The following GRAMD1C variants were observed in gnomAD, a reference collection of about 807,000 sequenced individuals.
The protein encoded by GRAMD1C is GRAM domain containing 1C.
A neutral mutation model predicts 97.8 loss-of-function variants in GRAMD1C; 89 were observed. That is an observed-to-expected ratio of 0.91 (90% CI 0.77 to 1.09). The LOEUF (loss-of-function observed/expected upper bound fraction) is 1.09. Among genes scored for constraint, GRAMD1C ranks in the 50% least tolerant of loss-of-function variants. The pLI is 0.00. For missense variants in GRAMD1C, 740 were observed against 766.4 expected, an observed-to-expected ratio of 0.97 and a Z score of 0.41; for synonymous variants, 256 against 267.0, an observed-to-expected ratio of 0.96 and a Z score of 0.40.
intron 1 of GRAMD1C, among the ~76,000 whole-genome samples, chr3:113,832,085 A>C (rs1709566541): frequency 1.3e-5 from 2 of 150,988 alleles, no homozygotes; most frequent in Admixed American, 1.3e-4. Flanking sequence ...GCTGGAGTGC[A>C]GTGTGCAGTG....
At position 113,920,489 on chromosome 3, in the gene GRAMD1C, A is replaced by G. The variant is rs529961525; in HGVS notation, c.1090+4651A>G. 3.9e-5 allele frequency among the ~76,000 whole-genome samples: 6 copies of G among 152,316 alleles called. No homozygotes were observed. In the East Asian group the frequency reaches 1.2e-3, roughly 29 times the overall value. On this transcript the variant is annotated intron_variant, in intron 10 of 17. Coordinates refer to ENST00000358160, the MANE Select transcript of GRAMD1C (RefSeq NM_017577.5). ...AAGCACTCAGATGTGCATCAGCATA[A>G]ACATTAAAAATTTTCGGGTGAGAAA... is the stretch of plus-strand genomic sequence containing the variant.
intron 2 of GRAMD1C, among the ~76,000 whole-genome samples, chr3:113,860,773 C>T (rs996265459): frequency 2.0e-5 from 3 of 151,958 alleles, no homozygotes; most frequent in Non-Finnish European, 4.4e-5. Context: ...CAAGACCAAC[C>T]TGGCTAACAT....
At chr3:113,869,921 A>T (rs1020906215) in intron 3 of GRAMD1C, among the ~76,000 whole-genome samples, 1 of 152,194 alleles carries the variant, frequency 6.6e-6, no homozygotes, top group African/African-American at 2.4e-5. Flanking sequence ...ATTGAGCCAT[A>T]AAAAAGAATG....
At chr3:113,932,999 A>G (rs894900239) in intron 11 of GRAMD1C, among the ~76,000 whole-genome samples, 2 of 150,854 alleles carry the variant, frequency 1.3e-5, no homozygotes, top group East Asian at 3.9e-4. Context: ...CTCCTGCCTC[A>G]GCCTCCCACC....
chr3:113,925,458 C>A (rs750180859), intron 10 of GRAMD1C, among the ~76,000 whole-genome samples: 1 of 144,326 alleles, frequency 6.9e-6, no homozygotes, highest in Non-Finnish European at 1.5e-5. Flanking sequence ...GGTGACAGAG[C>A]AAGACTGTGT....
At chr3:113,830,102 C>T (rs1016668566) in intron 1 of GRAMD1C, among the ~76,000 whole-genome samples, 3 of 151,994 alleles carry the variant, frequency 2.0e-5, no homozygotes, top group Non-Finnish European at 2.9e-5. Flanking sequence ...AAAGATTGGT[C>T]GGACCAGGTG....
intron 1 of GRAMD1C, among the ~76,000 whole-genome samples, chr3:113,833,469 C>A (rs1709589169): frequency 1.3e-5 from 2 of 152,016 alleles, no homozygotes; most frequent in South Asian, 4.1e-4. Flanking sequence ...TACCTGCCCC[C>A]TCTACCAACA....
chr3:113,854,321 A>C lies in GRAMD1C; in HGVS notation c.174+9672A>C, dbSNP rs1290335980. On this transcript the variant is annotated intron_variant, in intron 2 of 17. Coordinates refer to ENST00000358160, the MANE Select transcript of GRAMD1C (RefSeq NM_017577.5). ...TTATGAAGACTGGATCAGATCACTTAGGGAGAAAATATGGATAGAGAAGAG... is the reference window on the plus strand; with the variant it reads ...TTATGAAGACTGGATCAGATCACTTCGGGAGAAAATATGGATAGAGAAGAG... Among the ~76,000 whole-genome samples, 3 of 152,096 alleles carry C rather than the reference A, an allele frequency of 2.0e-5. No individual in the cohort carries two copies. In the East Asian group the frequency reaches 5.8e-4, roughly 29 times the overall value.
chr3:113,884,041 GAGAT>G (rs1935358368), intron 6 of GRAMD1C, among the ~76,000 whole-genome samples: 1 of 152,136 alleles, frequency 6.6e-6, no homozygotes, highest in South Asian at 2.1e-4. Context: ...CTTTCAATGA[GAGAT>G]AGAACAACTA....
At chr3:113,901,420 A>G (rs1416055314) in intron 7 of GRAMD1C, among the ~76,000 whole-genome samples, 1 of 152,226 alleles carries the variant, frequency 6.6e-6, no homozygotes, top group Non-Finnish European at 1.5e-5. Context: ...GATCTGGAGA[A>G]GTACCTAGTG....
At chr3:113,860,920 C>A (rs1325566809) in intron 2 of GRAMD1C, among the ~76,000 whole-genome samples, 2 of 150,278 alleles carry the variant, frequency 1.3e-5, no homozygotes, top group Non-Finnish European at 3.0e-5. Context: ...GAGCCGAGAT[C>A]ATGCCATTGC....
intron 6 of GRAMD1C, among the ~76,000 whole-genome samples, chr3:113,892,086 A>G (rs887482123): frequency 7.9e-5 from 12 of 152,098 alleles, no homozygotes; most frequent in African/African-American, 2.2e-4. Context: ...TTATTTTTCC[A>G]GTAAAATAAA....
At chr3:113,925,162 G>C (rs573153534) in intron 10 of GRAMD1C, among the ~76,000 whole-genome samples, 6 of 152,220 alleles carry the variant, frequency 3.9e-5, no homozygotes, top group African/African-American at 9.6e-5. Flanking sequence ...TGAGCCTATG[G>C]ATGCCATTGC....
At chr3:113,920,162 C>A in intron 10 of GRAMD1C, 1 of 1,410,004 alleles carries the variant, frequency 7.1e-7, no homozygotes, top group South Asian at 1.2e-5. Flanking sequence ...ATTTGAATCT[C>A]CAGAATCACA....
upstream of GRAMD1C, among the ~76,000 whole-genome samples, chr3:113,834,339 C>G (rs1193958821): frequency 1.3e-5 from 2 of 152,018 alleles, no homozygotes; most frequent in Non-Finnish European, 2.9e-5. Flanking sequence ...GCCACCACGC[C>G]TGGCTAATTT....
chr3:113,856,543 G>GTATT (rs1374733958), intron 2 of GRAMD1C, among the ~76,000 whole-genome samples: 147 of 151,820 alleles, frequency 9.7e-4, no homozygotes, highest in African/African-American at 2.7e-3. Context: ...ATGTATGTAT[G>GTATT]TATTTATTTA....
intron 6 of GRAMD1C, among the ~76,000 whole-genome samples, chr3:113,892,610 C>A (rs1429231291): frequency 6.6e-6 from 1 of 152,230 alleles, no homozygotes; most frequent in Non-Finnish European, 1.5e-5. Flanking sequence ...CACTCTGTCA[C>A]TACAATCATT....
At chr3:113,943,146 C>T (rs986646612) in intron 17 of GRAMD1C, among the ~76,000 whole-genome samples, 4 of 152,168 alleles carry the variant, frequency 2.6e-5, no homozygotes, top group Admixed American at 6.5e-5. Flanking sequence ...ATGTTCTTCC[C>T]GCATGGTTTC....
At chr3:113,904,388 C>A in intron 8 of GRAMD1C, 116 bp downstream of exon 8, 2 of 742,816 alleles carry the variant, frequency 2.7e-6, no homozygotes, top group Non-Finnish European at 4.3e-6. Context: ...CAGACTCCTA[C>A]CTTATTTTAG....
Sources: allele counts gnomAD v4.1 joint callset (sites outside exome capture counted in the v4.1 genomes callset), GRCh38; gene constraint gnomAD v4.1.1; transcripts MANE v1.5; gene names NCBI Gene and HGNC (gene_info 2026-07-23, HGNC 2026-07-21).